LHFPL3: variants seen among roughly 807,000 people sequenced by gnomAD.
LHFPL3 encodes the protein LHFPL tetraspan subfamily member 3.
LHFPL3 carries 5 observed loss-of-function variants against 19.3 expected under a neutral mutation model. The ratio of observed to expected loss-of-function variants is 0.26; its 90% CI spans 0.14 to 0.54. LHFPL3 has a LOEUF of 0.54. Among genes scored for constraint, LHFPL3 ranks in the 20% least tolerant of loss-of-function variants. LHFPL3 has a pLI of 0.94. For missense variants in LHFPL3, 249 were observed against 307.4 expected, an observed-to-expected ratio of 0.81 and a Z score of 1.42; for synonymous variants, 133 against 126.2, an observed-to-expected ratio of 1.05 and a Z score of -0.36.
intron 1 of LHFPL3, among the ~76,000 whole-genome samples, chr7:104,553,081 A>G (rs1794691952): frequency 6.6e-6 from 1 of 152,084 alleles, no homozygotes; most frequent in Non-Finnish European, 1.5e-5. Flanking sequence ...TTTTTTTATT[A>G]TGTTTCTTTG....
chr7:104,357,739 C>G (rs1211215226), intron 1 of LHFPL3, among the ~76,000 whole-genome samples: 5 of 151,558 alleles, frequency 3.3e-5, no homozygotes, highest in Non-Finnish European at 7.4e-5. Flanking sequence ...CTGCCTCCTG[C>G]AGGTGGAATT....
At chr7:104,496,358 C>A (rs1355815417) in intron 1 of LHFPL3, among the ~76,000 whole-genome samples, 1 of 152,158 alleles carries the variant, frequency 6.6e-6, no homozygotes, top group Non-Finnish European at 1.5e-5. Context: ...TTTTCTTAAT[C>A]CAGTCTATCA....
chr7:104,525,582 C>G (rs1794170940), intron 1 of LHFPL3, among the ~76,000 whole-genome samples: 1 of 149,102 alleles, frequency 6.7e-6, no homozygotes. Flanking sequence ...CTGTCTTTAT[C>G]TTCTTGGTTT....
chr7:104,526,237 C>A (rs903288839), intron 1 of LHFPL3, among the ~76,000 whole-genome samples: 5 of 152,126 alleles, frequency 3.3e-5, no homozygotes, highest in Non-Finnish European at 7.4e-5. Flanking sequence ...AGGAAAACCA[C>A]ATGGATTGGG....
rs1801507936 is a variant in LHFPL3 at position 104,328,649 on chromosome 7, G to C, written c.-131G>C. 3.9e-6 allele frequency: 3 copies of C among 772,118 alleles called. No individual in the cohort carries two copies. The highest frequency in any genetic ancestry group is 2.4e-5 in the Admixed American group (1 of 41,400). The allele number at this position is 772,118 out of a possible 1,614,324, so 47.8% of individuals were successfully genotyped here. On this transcript the variant is annotated 5_prime_UTR_variant, in exon 1 of 3. Transcript: ENST00000424859. This position sits in a 1 kb window ranked among gnomAD's most constrained non-coding sequence, Gnocchi z 4.6. ...GAGCGAGGATGCAGACTCTGAAACT[G>C]GTGCTGCTGGGCTGAGGCGGAGGCA...
chr7:104,534,531 C>A (rs969055095), intron 1 of LHFPL3, among the ~76,000 whole-genome samples: 4 of 152,212 alleles, frequency 2.6e-5, no homozygotes, highest in African/African-American at 7.2e-5. Flanking sequence ...ATGATGACAG[C>A]AAATATTATC....
At chr7:104,352,351 G>C (rs148315011) in intron 1 of LHFPL3, among the ~76,000 whole-genome samples, 1 of 152,002 alleles carries the variant, frequency 6.6e-6, no homozygotes, top group East Asian at 1.9e-4. Context: ...ACTTTTGCAC[G>C]TAAAATTCTT....
At chr7:104,851,546 G>T (rs533423659) in intron 2 of LHFPL3, among the ~76,000 whole-genome samples, 1 of 152,272 alleles carries the variant, frequency 6.6e-6, no homozygotes, top group South Asian at 2.1e-4. Context: ...TACGGCCAAC[G>T]CATTGGTCAC....
intron 2 of LHFPL3, among the ~76,000 whole-genome samples, chr7:104,776,853 C>T (rs763199533): frequency 1.3e-5 from 2 of 152,166 alleles, no homozygotes; most frequent in Non-Finnish European, 2.9e-5. Flanking sequence ...CAATCATGGG[C>T]TTTTACAACA....
intron 1 of LHFPL3, among the ~76,000 whole-genome samples, chr7:104,474,620 T>C (rs1019598140): frequency 6.8e-6 from 1 of 147,894 alleles, no homozygotes; most frequent in Admixed American, 6.9e-5. Flanking sequence ...TAAGCAGATA[T>C]TGTGCCTCTG....
intron 1 of LHFPL3, among the ~76,000 whole-genome samples, chr7:104,597,231 G>A (rs557037201): frequency 1.3e-5 from 2 of 152,064 alleles, no homozygotes; most frequent in East Asian, 3.9e-4. Context: ...TTCTTTTTTG[G>A]AATAAATGTT....
intron 2 of LHFPL3, among the ~76,000 whole-genome samples, chr7:104,894,147 G>A (rs1792307659): frequency 6.6e-6 from 1 of 152,132 alleles, no homozygotes; most frequent in South Asian, 2.1e-4. Context: ...ATCTGCCTTT[G>A]CTCTTTGTTA....
intron 1 of LHFPL3, among the ~76,000 whole-genome samples, chr7:104,495,589 T>C (rs940692316): frequency 3.3e-5 from 5 of 152,182 alleles, no homozygotes; most frequent in African/African-American, 9.6e-5. Flanking sequence ...TTCACCATGT[T>C]AGCCAGGATG....
At chr7:104,524,273 G>T (rs1794139213) in intron 1 of LHFPL3, among the ~76,000 whole-genome samples, 1 of 152,122 alleles carries the variant, frequency 6.6e-6, no homozygotes, top group African/African-American at 2.4e-5. Flanking sequence ...CCTTGGAGCT[G>T]AAGCATGGCC....
At chr7:104,631,089 T>C (rs1407790460) in intron 1 of LHFPL3, among the ~76,000 whole-genome samples, 1 of 152,170 alleles carries the variant, frequency 6.6e-6, no homozygotes, top group Non-Finnish European at 1.5e-5. Flanking sequence ...TCTGATCTTC[T>C]GCCATGTTTC....
chr7:104,406,311 T>G (rs530556194), intron 1 of LHFPL3, among the ~76,000 whole-genome samples: 27 of 152,120 alleles, frequency 1.8e-4, no homozygotes, highest in Non-Finnish European at 3.8e-4. Flanking sequence ...ATAGATGAAG[T>G]GAGCATTTTA....
At chr7:104,747,433 C>A (rs1042354799) in intron 2 of LHFPL3, among the ~76,000 whole-genome samples, 1 of 152,058 alleles carries the variant, frequency 6.6e-6, no homozygotes, top group African/African-American at 2.4e-5. Context: ...GACAAGAATC[C>A]CCCGTGTAGA....
intron 2 of LHFPL3, among the ~76,000 whole-genome samples, chr7:104,777,773 T>C (rs987862725): frequency 6.6e-6 from 1 of 152,108 alleles, no homozygotes; most frequent in Non-Finnish European, 1.5e-5. Context: ...TTTCCCTTCG[T>C]TCCCTTTCTG....
intron 1 of LHFPL3, among the ~76,000 whole-genome samples, chr7:104,495,771 C>T (rs1302768135): frequency 2.0e-5 from 3 of 152,184 alleles, no homozygotes; most frequent in Admixed American, 6.5e-5. Context: ...GATTCTCTCA[C>T]CTCAACCCCC....
Sources: gnomAD v4.1 joint callset for allele counts (sites outside exome capture counted in the v4.1 genomes callset) on GRCh38, gnomAD v4.1.1 for gene constraint, Gnocchi (gnomAD v3.1) non-coding constraint, MANE v1.5 for transcripts, NCBI Gene and HGNC (gene_info 2026-07-23, HGNC 2026-07-21) for gene names.